The following EVA1C variants were observed in gnomAD, a reference collection of about 807,000 sequenced individuals.
The protein encoded by EVA1C is protein eva-1 homolog C.
A neutral mutation model predicts 45.4 loss-of-function variants in EVA1C; 25 were observed. The ratio of observed to expected loss-of-function variants is 0.55; its 90% CI spans 0.40 to 0.77. The LOEUF (loss-of-function observed/expected upper bound fraction) is 0.77, where lower values mean the gene tolerates loss of function less well. Ranked by LOEUF, EVA1C falls within the 30% of genes least tolerant of loss-of-function variation. The pLI, the probability that EVA1C is intolerant of heterozygous loss-of-function variation, is 0.00. For missense variants in EVA1C, 479 were observed against 554.8 expected (o/e 0.86, Z 1.37); for synonymous variants, 190 against 221.2 (o/e 0.86, Z 1.25).
At chr21:32,486,879 T>C (rs1490341786) in intron 4 of EVA1C, among the ~76,000 whole-genome samples, 1 of 152,230 alleles carries the variant, frequency 6.6e-6, no homozygotes, top group Non-Finnish European at 1.5e-5. Context: ...ACAAATATGT[T>C]ACACATATAC....
At chr21:32,455,966 T>C (rs1011761112) in intron 2 of EVA1C, among the ~76,000 whole-genome samples, 2 of 152,092 alleles carry the variant, frequency 1.3e-5, no homozygotes, top group African/African-American at 4.8e-5. Context: ...AATCTCGGCT[T>C]ACCACAACCT....
intron 4 of EVA1C, among the ~76,000 whole-genome samples, chr21:32,494,233 TTTCA>T (rs567162541): frequency 6.6e-6 from 1 of 152,246 alleles, no homozygotes; most frequent in Non-Finnish European, 1.5e-5. Context: ...AATTAGTTTA[TTTCA>T]TTCATTCATT....
chr21:32,472,423 G>A (rs972159129), intron 4 of EVA1C, among the ~76,000 whole-genome samples: 4 of 152,116 alleles, frequency 2.6e-5, no homozygotes, highest in African/African-American at 9.7e-5. Flanking sequence ...CCTCCCCAAA[G>A]TGCTGGGATT....
chr21:32,462,010 G>A (rs1393021715), intron 3 of EVA1C, among the ~76,000 whole-genome samples: 3 of 152,126 alleles, frequency 2.0e-5, no homozygotes, highest in African/African-American at 7.2e-5. Flanking sequence ...AGTGTTGTAT[G>A]TAACACGCTA....
At chr21:32,443,739 T>C (rs1433835119) in intron 1 of EVA1C, among the ~76,000 whole-genome samples, 1 of 152,220 alleles carries the variant, frequency 6.6e-6, no homozygotes, top group Non-Finnish European at 1.5e-5. Flanking sequence ...TATTTTTATT[T>C]TAGCTATTAC....
chr21:32,419,607 C>T (rs1251035192), intron 1 of EVA1C, among the ~76,000 whole-genome samples: 5 of 152,102 alleles, frequency 3.3e-5, no homozygotes, highest in African/African-American at 9.7e-5. Context: ...CCCAGCTACT[C>T]GGGAGACTGA....
intron 1 of EVA1C, among the ~76,000 whole-genome samples, chr21:32,419,227 C>T (rs899153839): frequency 6.6e-6 from 1 of 152,194 alleles, no homozygotes; most frequent in Non-Finnish European, 1.5e-5. Flanking sequence ...CTGATCTTCA[C>T]AGCCATCCTG....
chr21:32,502,040 C>CTTTCTTTCTTTCTTTCTTTCTTTCT (rs1555875244), intron 6 of EVA1C, among the ~76,000 whole-genome samples: 1 of 101,558 alleles, frequency 9.8e-6, no homozygotes, highest in African/African-American at 3.9e-5. Context: ...TTCTTTCTTT[C>CTTTCTTTCTTTCTTTCTTTCTTTCT]TTTCTTTCTT....
chr21:32,451,933 C>T (rs575046636), intron 1 of EVA1C, among the ~76,000 whole-genome samples: 2 of 152,212 alleles, frequency 1.3e-5, no homozygotes, highest in Non-Finnish European at 2.9e-5. Context: ...TTTGAGGGGA[C>T]ATCATTCAAC....
At chr21:32,494,691 G>A (rs2037282785) in intron 4 of EVA1C, among the ~76,000 whole-genome samples, 1 of 151,714 alleles carries the variant, frequency 6.6e-6, no homozygotes, top group Non-Finnish European at 1.5e-5. Context: ...GCTGAGGCAG[G>A]AGAATTGCTT....
At chr21:32,468,157 G>C (rs2036247218) in intron 4 of EVA1C, 1 of 153,986 alleles carries the variant, frequency 6.5e-6, no homozygotes, top group Non-Finnish European at 1.4e-5. Context: ...GGATCACGAG[G>C]TCAGAAGTTC....
chr21:32,435,988 G>A (rs1408704756), intron 1 of EVA1C, among the ~76,000 whole-genome samples: 1 of 152,234 alleles, frequency 6.6e-6, no homozygotes, highest in African/African-American at 2.4e-5. Context: ...TTTGCATGTG[G>A]GTTTTTTTTG....
At chr21:32,462,371 A>G (rs1317706581) in intron 3 of EVA1C, among the ~76,000 whole-genome samples, 1 of 152,234 alleles carries the variant, frequency 6.6e-6, no homozygotes, top group Non-Finnish European at 1.5e-5. Flanking sequence ...TCCAACCTAT[A>G]TGACAGGGTG....
intron 3 of EVA1C, among the ~76,000 whole-genome samples, chr21:32,460,505 T>C (rs2035958526): frequency 1.3e-5 from 2 of 152,184 alleles, no homozygotes; most frequent in African/African-American, 4.8e-5. Context: ...CTCTGTGTGG[T>C]TCAGCATTGT....
At chr21:32,431,290 C>T (rs940234047) in intron 1 of EVA1C, among the ~76,000 whole-genome samples, 3 of 152,372 alleles carry the variant, frequency 2.0e-5, no homozygotes, top group Admixed American at 2.0e-4. Context: ...AGGACCAAGA[C>T]TGGACCCACA....
intron 1 of EVA1C, among the ~76,000 whole-genome samples, chr21:32,438,625 C>T (rs2035058471): frequency 6.6e-6 from 1 of 152,026 alleles, no homozygotes; most frequent in South Asian, 2.1e-4. Flanking sequence ...TCAACCTCTT[C>T]ACCACCCAGC....
chr21:32,442,815 T>C lies in EVA1C; in HGVS notation c.161-10497T>C, dbSNP rs567659709. Among the ~76,000 whole-genome samples, 15 of 152,096 alleles carry C rather than the reference T, an allele frequency of 9.9e-5. No homozygotes were observed. In the South Asian group the frequency reaches 1.2e-3, roughly 13 times the overall value. On this transcript the variant is annotated intron_variant, in intron 1 of 7. Transcript: ENST00000300255. ...GGGGCCAGTGACTGATATTCTTATA[T>C]CCTGCGTTCAGAGTGACTCAGGCAA...
At position 32,488,733 on chromosome 21, in the gene EVA1C, A is replaced by G. The variant is rs181600629; in HGVS notation, c.635-6294A>G. Among the ~76,000 whole-genome samples, 1,402 of 152,040 alleles carry G rather than the reference A, an allele frequency of 9.2e-3. 27 individuals are homozygous for G. The highest frequency in any genetic ancestry group is 0.032 in the African/African-American group (1,343 of 41,478). ...CCCTAGTAGCTGGGATTACAGGCAC[A>G]CGCCACCACACCTGGCTAATATTTG... On this transcript the variant is annotated intron_variant, in intron 4 of 7. Coordinates refer to ENST00000300255, the MANE Select transcript of EVA1C (RefSeq NM_058187.5).
rs375871242 is a variant in EVA1C, at chr21:32,492,931, CCTCT to C, written c.635-2093_635-2090del. On this transcript the variant is annotated intron_variant, in intron 4 of 7. Coordinates refer to ENST00000300255, the MANE Select transcript of EVA1C (RefSeq NM_058187.5). ...TCTCTAGCTGTGTGAGGTTACTGAACCTCTCTGTGTCTGCTGTCTCAGCCACAAA... is the reference window on the plus strand; with the variant it reads ...TCTCTAGCTGTGTGAGGTTACTGAACCTGTGTCTGCTGTCTCAGCCACAAA... 7.4e-3 allele frequency among the ~76,000 whole-genome samples: 1,125 copies of C among 152,170 alleles called. 10 individuals carry two copies. The highest frequency in any genetic ancestry group is 0.026 in the African/African-American group (1,083 of 41,500).
Sources: gnomAD v4.1 joint callset for allele counts (sites outside exome capture counted in the v4.1 genomes callset) on GRCh38, gnomAD v4.1.1 for gene constraint, MANE v1.5 for transcripts, NCBI Gene and HGNC (gene_info 2026-07-23, HGNC 2026-07-21) for gene names.